The following ACYP2 variants were observed in gnomAD, a reference collection of about 807,000 sequenced individuals.
The protein encoded by ACYP2 is acylphosphatase-2.
ACYP2 carries 12 observed loss-of-function variants against 11.2 expected under a neutral mutation model. The observed-to-expected ratio is 1.08, with a 90% CI of 0.69 to 1.74. The LOEUF is 1.74. Ranked by LOEUF, ACYP2 falls within the 40% of genes most tolerant of loss-of-function variation. ACYP2 has a pLI of 0.00. For missense variants in ACYP2, 134 were observed against 101.9 expected (o/e 1.31, Z -1.35); for synonymous variants, 43 against 32.2 (o/e 1.33, Z -1.13).
At chr2:54,198,811 A>G (rs952954186) in intron 6 of ACYP2, among the ~76,000 whole-genome samples, 2 of 152,196 alleles carry the variant, frequency 1.3e-5, no homozygotes, top group African/African-American at 2.4e-5. Flanking sequence ...TAGTTCATAC[A>G]TGCATATGTA....
chr2:54,136,375 T>A (rs376819680), intron 5 of ACYP2, among the ~76,000 whole-genome samples: 1 of 152,110 alleles, frequency 6.6e-6, no homozygotes, highest in African/African-American at 2.4e-5. Flanking sequence ...TACAACTTAA[T>A]TGTGGCATGC....
intron 4 of ACYP2, chr2:54,084,744 G>C (rs1677856301): frequency 6.6e-6 from 1 of 152,202 alleles, no homozygotes; most frequent in African/African-American, 2.4e-5. Context: ...TGCTGTAAGA[G>C]TCAGCAAAAT....
intron 4 of ACYP2, among the ~76,000 whole-genome samples, chr2:54,115,151 T>G (rs1038165888): frequency 4.6e-5 from 7 of 152,190 alleles, no homozygotes; most frequent in Admixed American, 3.9e-4. Context: ...AAATGTATTG[T>G]GTCCTTAAAA....
At chr2:54,293,875 T>C (rs944641293) in intron 6 of ACYP2, among the ~76,000 whole-genome samples, 1 of 152,218 alleles carries the variant, frequency 6.6e-6, no homozygotes, top group Non-Finnish European at 1.5e-5. Flanking sequence ...AAGGAGTCTA[T>C]GGTATTATTT....
At chr2:53,994,031 AC>A (rs1672433466) in intron 2 of ACYP2, among the ~76,000 whole-genome samples, 1 of 152,044 alleles carries the variant, frequency 6.6e-6, no homozygotes, top group African/African-American at 2.4e-5. Flanking sequence ...TAAAAATCGT[AC>A]AAAATATTAG....
intron 4 of ACYP2, among the ~76,000 whole-genome samples, chr2:54,072,658 G>T (rs1240807968): frequency 6.6e-6 from 1 of 151,362 alleles, no homozygotes; most frequent in Non-Finnish European, 1.5e-5. Context: ...TGCCCCCTGG[G>T]CTTAAGCAAT....
At chr2:53,995,294 C>A (rs778767526) in intron 2 of ACYP2, among the ~76,000 whole-genome samples, 8 of 152,124 alleles carry the variant, frequency 5.3e-5, no homozygotes, top group Non-Finnish European at 8.8e-5. Flanking sequence ...CTTCTTTAAT[C>A]TCAAGTTACA....
intron 2 of ACYP2, among the ~76,000 whole-genome samples, chr2:54,017,845 C>T (rs994445445): frequency 1.3e-5 from 2 of 151,844 alleles, no homozygotes; most frequent in Non-Finnish European, 2.9e-5. Context: ...TATCAGTGAG[C>T]GTGTGTTACT....
intron 4 of ACYP2, among the ~76,000 whole-genome samples, chr2:54,112,454 A>G (rs1350370510): frequency 1.3e-5 from 2 of 152,256 alleles, no homozygotes; most frequent in Admixed American, 6.5e-5. Flanking sequence ...TTGGCAATAT[A>G]TATCAAGAAC....
At chr2:54,159,800 G>A (rs910413417) in intron 6 of ACYP2, among the ~76,000 whole-genome samples, 3 of 152,122 alleles carry the variant, frequency 2.0e-5, no homozygotes, top group Non-Finnish European at 2.9e-5. Context: ...GGCTTCCTCT[G>A]TCACTATTCA....
chr2:53,980,565 AAAT>A (rs1671702440), intron 2 of ACYP2, among the ~76,000 whole-genome samples: 1 of 152,052 alleles, frequency 6.6e-6, no homozygotes, highest in Admixed American at 6.6e-5. Context: ...AAAAATAAAA[AAAT>A]AAAGAAAATA....
chr2:54,047,054 C>T (rs1558493129), intron 2 of ACYP2, among the ~76,000 whole-genome samples: 1 of 152,184 alleles, frequency 6.6e-6, no homozygotes, highest in Non-Finnish European at 1.5e-5. Context: ...GTGTTATCAT[C>T]AGTGACAAAG....
chr2:53,989,934 A>G (rs1672204950), intron 2 of ACYP2, among the ~76,000 whole-genome samples: 1 of 149,154 alleles, frequency 6.7e-6, no homozygotes, highest in Admixed American at 6.7e-5. Context: ...TGTTTTCATC[A>G]TTTCTCATCA....
At chr2:54,048,595 G>A (rs1175989190) in intron 2 of ACYP2, among the ~76,000 whole-genome samples, 1 of 151,978 alleles carries the variant, frequency 6.6e-6, no homozygotes, top group Non-Finnish European at 1.5e-5. Flanking sequence ...TGAACTACTG[G>A]GCTCAAGGGA....
chr2:54,236,889 TAA>T (rs1329740921), intron 6 of ACYP2, among the ~76,000 whole-genome samples: 1 of 152,174 alleles, frequency 6.6e-6, no homozygotes. Context: ...ATAGAGAAGT[TAA>T]AGTTTTATCA....
At chr2:54,219,957 G>C (rs1267299500) in intron 6 of ACYP2, among the ~76,000 whole-genome samples, 1 of 141,802 alleles carries the variant, frequency 7.1e-6, no homozygotes, top group Non-Finnish European at 1.5e-5. Flanking sequence ...GGGCAGGCTG[G>C]TCTCCAACTC....
At chr2:54,068,274 CCTACCTTATAAAAGAT>C (rs1271458032) in intron 4 of ACYP2, among the ~76,000 whole-genome samples, 1 of 152,152 alleles carries the variant, frequency 6.6e-6, no homozygotes, top group African/African-American at 2.4e-5. Flanking sequence ...AGTATATCTT[CCTACCTTATAAAAGAT>C]CTACCTTATA....
intron 2 of ACYP2, among the ~76,000 whole-genome samples, chr2:54,014,293 G>A (rs1383678235): frequency 6.6e-6 from 1 of 151,984 alleles, no homozygotes; most frequent in Non-Finnish European, 1.5e-5. Flanking sequence ...GCTAGGGTCA[G>A]GATTATCTTC....
chr2:54,058,607 C>G (rs949473163), intron 4 of ACYP2, among the ~76,000 whole-genome samples: 1 of 151,946 alleles, frequency 6.6e-6, no homozygotes, highest in Non-Finnish European at 1.5e-5. Context: ...TTCATTGTAC[C>G]ACCTGTAAGA....
Sources: gnomAD v4.1 joint callset for allele counts (sites outside exome capture counted in the v4.1 genomes callset) on GRCh38, gnomAD v4.1.1 for gene constraint, MANE v1.5 for transcripts, NCBI Gene and HGNC (gene_info 2026-07-23, HGNC 2026-07-21) for gene names.